Variants in MAGI1 observed in about 807,000 individuals in gnomAD.
MAGI1 encodes membrane associated guanylate kinase, WW and PDZ domain containing 1.
A neutral mutation model predicts 139.9 loss-of-function variants in MAGI1; 58 were observed. The ratio of observed to expected loss-of-function variants is 0.41; its 90% CI spans 0.34 to 0.52. The LOEUF (loss-of-function observed/expected upper bound fraction) is 0.52, where lower values mean the gene tolerates loss of function less well. Among genes scored for constraint, MAGI1 ranks in the 20% least tolerant of loss-of-function variants. The probability of loss-of-function intolerance (pLI) is 0.12; values close to 1 mark genes in which losing one functional copy is unlikely to be tolerated. For synonymous variants in MAGI1, 812 were observed against 737.9 expected (o/e 1.10, Z -1.63); for missense variants, 1,874 against 1,901.6 (o/e 0.99, Z 0.27).
chr3:65,769,999 G>A (rs1317086217), intron 1 of MAGI1, among the ~76,000 whole-genome samples: 1 of 152,160 alleles, frequency 6.6e-6, no homozygotes, highest in Non-Finnish European at 1.5e-5. Flanking sequence ...TCACCATGAG[G>A]AGATTTACGT....
At chr3:65,550,695 T>C (rs78959943) in intron 2 of MAGI1, among the ~76,000 whole-genome samples, 26,457 of 151,920 alleles carry the variant, frequency 0.17, 2,433 homozygotes, top group South Asian at 0.27. Context: ...CTAAGCACCA[T>C]AGCTCATGCT....
intron 3 of MAGI1, among the ~76,000 whole-genome samples, chr3:65,486,791 T>TC (rs1456041905): frequency 6.6e-6 from 1 of 152,172 alleles, no homozygotes. Context: ...AATGCTACTC[T>TC]CAGCATTACA....
intron 1 of MAGI1, among the ~76,000 whole-genome samples, chr3:65,966,603 G>A (rs905247170): frequency 4.6e-5 from 7 of 152,056 alleles, no homozygotes; most frequent in African/African-American, 1.7e-4. Flanking sequence ...AGGTGGGCAG[G>A]GGTAGGGGGG....
chr3:66,021,982 C>T lies in MAGI1; in HGVS notation c.313+16014G>A, dbSNP rs562696885. ...AGCAGCCATCAGGTGAATATAAGTG[C>T]CTGGTAACAGGTGCACAGGACTGCA... On this transcript the variant is annotated intron_variant, in intron 1 of 22. Coordinates refer to ENST00000402939, the MANE Select transcript of MAGI1 (RefSeq NM_001033057.2). 5.9e-5 allele frequency among the ~76,000 whole-genome samples: 9 copies of T among 152,260 alleles called. No homozygotes were observed. In the South Asian group the frequency reaches 8.3e-4, roughly 14 times the overall value.
chr3:66,007,297 C>A (rs1465467001), intron 1 of MAGI1, among the ~76,000 whole-genome samples: 1 of 152,206 alleles, frequency 6.6e-6, no homozygotes. Context: ...TTAAGCCCCA[C>A]GGCGATCCTA....
chr3:65,914,091 G>T lies in MAGI1; in HGVS notation c.313+123905C>A, dbSNP rs1300616946. The T allele has an allele frequency of 2.0e-5, 3 of 152,076 alleles. No homozygotes were observed. The South Asian group carries it at 6.2e-4, about 32-fold the overall frequency. 9.4% of individuals were successfully genotyped at this position (152,076 alleles called of 1,614,324 possible). A position where few individuals can be genotyped will look rare whatever the true frequency, so the allele number is the denominator to read the frequency against. On this transcript the variant is annotated intron_variant, in intron 1 of 22. Transcript: ENST00000402939. ...TTGGCTTTCATGTTTTCTCCATTAG[G>T]TTTAGCTTCATGATCAAAATCACCT... is the stretch of plus-strand genomic sequence containing the variant.
At chr3:65,722,286 G>C (rs1053863216) in intron 1 of MAGI1, among the ~76,000 whole-genome samples, 1 of 152,146 alleles carries the variant, frequency 6.6e-6, no homozygotes, top group African/African-American at 2.4e-5. Context: ...AAATGACCTA[G>C]TGAATGGGAA....
intron 2 of MAGI1, among the ~76,000 whole-genome samples, chr3:65,576,615 A>C (rs1559686056): frequency 6.6e-6 from 1 of 152,158 alleles, no homozygotes; most frequent in African/African-American, 2.4e-5. Flanking sequence ...ATCAAGAAAA[A>C]TGGGCGTTGT....
At chr3:65,732,761 C>G (rs934129400) in intron 1 of MAGI1, among the ~76,000 whole-genome samples, 4 of 152,188 alleles carry the variant, frequency 2.6e-5, no homozygotes, top group Non-Finnish European at 4.4e-5. Flanking sequence ...CCTCATTCCC[C>G]AAGTCTGATC....
chr3:65,848,741 G>T (rs147986400), intron 1 of MAGI1, among the ~76,000 whole-genome samples: 7 of 152,196 alleles, frequency 4.6e-5, no homozygotes, highest in African/African-American at 1.4e-4. Flanking sequence ...CCTGCAAGCT[G>T]AATGTTCTTG....
chr3:65,836,692 G>A (rs547987008), intron 1 of MAGI1, among the ~76,000 whole-genome samples: 7 of 152,144 alleles, frequency 4.6e-5, no homozygotes, highest in African/African-American at 1.4e-4. Context: ...GGTGGTGGGC[G>A]CCTATAATCC....
intron 1 of MAGI1, among the ~76,000 whole-genome samples, chr3:66,017,480 G>A (rs73833346): frequency 0.012 from 1,899 of 152,294 alleles, 47 homozygotes; most frequent in African/African-American, 0.043. Flanking sequence ...CCCTGAAGGG[G>A]ATCCTGCCAC....
chr3:65,607,978 C>T (rs2082838881), intron 2 of MAGI1, among the ~76,000 whole-genome samples: 1 of 152,134 alleles, frequency 6.6e-6, no homozygotes, highest in South Asian at 2.1e-4. Context: ...CTACTTAATC[C>T]TCGTGTGATT....
intron 1 of MAGI1, among the ~76,000 whole-genome samples, chr3:65,787,331 A>G (rs1331223563): frequency 6.6e-6 from 1 of 152,026 alleles, no homozygotes; most frequent in Non-Finnish European, 1.5e-5. Flanking sequence ...GCAACATAGT[A>G]TAAAAGAAAC....
intron 22 of MAGI1, chr3:65,360,960 T>G: frequency 7.0e-7 from 1 of 1,422,348 alleles, no homozygotes; most frequent in Non-Finnish European, 9.2e-7. Context: ...TCTCTCTGAT[T>G]ATCAGAAAGG....
rs10527666 is a variant in MAGI1, at chr3:65,795,696, T to TACACACACACACACACACACACAC, written c.314-173632_314-173609dup. 2.8e-3 allele frequency among the ~76,000 whole-genome samples: 390 copies of TACACACACACACACACACACACAC among 138,994 alleles called. 2 individuals are homozygous for TACACACACACACACACACACACAC. The highest frequency in any genetic ancestry group is 0.017 in the East Asian group (75 of 4,444). The allele number at this position is 138,994 out of a possible 152,430, so 91.2% of individuals were successfully genotyped here. ...GAAACAGAACCATAAGATGATAAGA[T>TACACACACACACACACACACACAC]ACACACACACACACACACACACACA... is the stretch of plus-strand genomic sequence containing the variant. On this transcript the variant is annotated intron_variant, in intron 1 of 22. Transcript: ENST00000402939.
intron 2 of MAGI1, among the ~76,000 whole-genome samples, chr3:65,528,970 C>T (rs1038653295): frequency 1.3e-5 from 2 of 152,152 alleles, no homozygotes; most frequent in Non-Finnish European, 2.9e-5. Flanking sequence ...CACTGGAACC[C>T]TGAAAGCAGA....
chr3:65,987,579 T>G (rs1224526287), intron 1 of MAGI1, among the ~76,000 whole-genome samples: 2 of 152,160 alleles, frequency 1.3e-5, no homozygotes, highest in Non-Finnish European at 2.9e-5. Context: ...ACTTCTTCCT[T>G]CCTGCCTGCC....
At chr3:65,919,682 TC>T (rs1208664101) in intron 1 of MAGI1, among the ~76,000 whole-genome samples, 1 of 12,606 alleles carries the variant, frequency 7.9e-5, no homozygotes, top group African/African-American at 2.3e-3. Flanking sequence ...TCTCTCCTTC[TC>T]TCTCTCTCTC....
Sources: allele counts gnomAD v4.1 joint callset (sites outside exome capture counted in the v4.1 genomes callset), GRCh38; gene constraint gnomAD v4.1.1; transcripts MANE v1.5; gene names NCBI Gene and HGNC (gene_info 2026-07-23, HGNC 2026-07-21).